CLASP1: variants seen among roughly 807,000 people sequenced by gnomAD.
CLASP1 encodes the protein CLIP-associating protein 1.
In CLASP1, 38 loss-of-function variants were observed where a neutral mutation model predicts 192.3. The ratio of observed to expected loss-of-function variants is 0.20; its 90% CI spans 0.15 to 0.26. The LOEUF is 0.26. Among genes scored for constraint, CLASP1 ranks in the 10% least tolerant of loss-of-function variants. CLASP1 has a pLI of 1.00. For synonymous variants in CLASP1, 691 were observed against 712.8 expected (o/e 0.97, Z 0.49); for missense variants, 1,433 against 1,932.5 (o/e 0.74, Z 4.85).
exon 31 of CLASP1, chr2:121,387,840 C>T: frequency 6.2e-7 from 1 of 1,612,298 alleles, no homozygotes; most frequent in East Asian, 2.2e-5. Flanking sequence ...TTTGGCAAGG[C>T]ACCAAGTAAC....
At chr2:121,565,755 C>A (rs2059441167) in intron 2 of CLASP1, among the ~76,000 whole-genome samples, 1 of 152,232 alleles carries the variant, frequency 6.6e-6, no homozygotes, top group African/African-American at 2.4e-5. Flanking sequence ...CAGGCATGAT[C>A]AGCAGATCTG....
chr2:121,505,189 T>C (rs1363116607), intron 7 of CLASP1: 1 of 152,200 alleles, frequency 6.6e-6, no homozygotes, highest in Non-Finnish European at 1.5e-5. Flanking sequence ...AGTCTGGCTG[T>C]TCCTGAAATT....
intron 2 of CLASP1, among the ~76,000 whole-genome samples, chr2:121,604,008 T>C (rs2064113231): frequency 6.6e-6 from 1 of 152,194 alleles, no homozygotes; most frequent in Non-Finnish European, 1.5e-5. Flanking sequence ...TATATACCAC[T>C]GTAGGATGAC....
intron 9 of CLASP1, among the ~76,000 whole-genome samples, chr2:121,466,837 G>T (rs1320083376): frequency 2.0e-5 from 3 of 152,138 alleles, no homozygotes; most frequent in African/African-American, 7.2e-5. Context: ...TTAAGTTCAG[G>T]GGTGCATGTG....
chr2:121,581,778 G>A (rs939971840), intron 2 of CLASP1, among the ~76,000 whole-genome samples: 7 of 152,198 alleles, frequency 4.6e-5, no homozygotes, highest in African/African-American at 1.4e-4. Context: ...CCAGCTACTT[G>A]GAAGGCTGAG....
At chr2:121,608,570 G>C (rs2064765699) in intron 1 of CLASP1, among the ~76,000 whole-genome samples, 1 of 152,144 alleles carries the variant, frequency 6.6e-6, no homozygotes, top group East Asian at 1.9e-4. Context: ...TGCCAGACAT[G>C]TGAGTGAGGC....
At chr2:121,622,796 T>A (rs1026341917) in intron 1 of CLASP1, among the ~76,000 whole-genome samples, 1 of 152,222 alleles carries the variant, frequency 6.6e-6, no homozygotes, top group African/African-American at 2.4e-5. Context: ...ATGTTTTATA[T>A]ACAAGATCAT....
intron 8 of CLASP1, among the ~76,000 whole-genome samples, chr2:121,497,754 C>G (rs1220078993): frequency 6.6e-6 from 1 of 152,158 alleles, no homozygotes; most frequent in Non-Finnish European, 1.5e-5. Context: ...GAGTCTTGCT[C>G]TGTCACCCAG....
chr2:121,498,851 A>G (rs1464402905), intron 8 of CLASP1, among the ~76,000 whole-genome samples: 2 of 152,244 alleles, frequency 1.3e-5, no homozygotes, highest in African/African-American at 4.8e-5. Context: ...GGTAAAGCAA[A>G]TCAATACCAC....
chr2:121,387,194 G>C (rs2073403608), exon 32 of CLASP1: 4 of 1,609,762 alleles, frequency 2.5e-6, no homozygotes, highest in Middle Eastern at 1.7e-4. Flanking sequence ...GGTGTGTCGG[G>C]AGGGCGTCCG....
chr2:121,575,374 TG>T (rs1488889472), intron 2 of CLASP1, among the ~76,000 whole-genome samples: 6 of 152,150 alleles, frequency 3.9e-5, no homozygotes, highest in Non-Finnish European at 4.4e-5. Context: ...CCCAAAGTGC[TG>T]GGATTACAGG....
In CLASP1 at chr2:121,641,967, G is replaced by A. The variant is rs554325813; in HGVS notation, c.-286+7405C>T. On this transcript the variant is annotated intron_variant, in intron 1 of 39. Transcript: ENST00000263710. ...TGAGCCCAGGAGTTCGAGTAGCCTA[G>A]GCAACATAGTAAGACCCTGCCTCTT... Among the ~76,000 whole-genome samples the A allele has an allele frequency of 8.6e-5, 13 of 150,988 alleles. No homozygotes were observed. In the South Asian group the frequency reaches 2.5e-3, roughly 29 times the overall value.
chr2:121,354,017 G>A (rs1483389015), intron 37 of CLASP1, among the ~76,000 whole-genome samples: 1 of 152,148 alleles, frequency 6.6e-6, no homozygotes, highest in African/African-American at 2.4e-5. Flanking sequence ...GGTTTCAAAT[G>A]ATCTGCCCAC....
At chr2:121,635,857 A>G (rs1229728125) in intron 1 of CLASP1, among the ~76,000 whole-genome samples, 1 of 152,226 alleles carries the variant, frequency 6.6e-6, no homozygotes, top group Non-Finnish European at 1.5e-5. Flanking sequence ...CTCTAAAATG[A>G]GTATATTTCT....
rs1432663581 is a variant in CLASP1, at chr2:121,432,503, T to C, written c.1913-2326A>G. Among the ~76,000 whole-genome samples the C allele has an allele frequency of 2.0e-5, 3 of 152,228 alleles. No homozygotes were observed. The East Asian group carries it at 5.8e-4, about 29-fold the overall frequency. Reference sequence around the variant, plus strand: ...TTCCTAAGCCCTTTGCTGTCTTCCATATGTATGTGCAGACACAATAACAAC... The same window carrying C: ...TTCCTAAGCCCTTTGCTGTCTTCCACATGTATGTGCAGACACAATAACAAC... On this transcript the variant is annotated intron_variant, in intron 19 of 39. Coordinates refer to ENST00000263710, the Ensembl canonical transcript of CLASP1.
chr2:121,533,490 G>A (rs1018576531), intron 2 of CLASP1, among the ~76,000 whole-genome samples: 2 of 152,168 alleles, frequency 1.3e-5, no homozygotes, highest in Non-Finnish European at 2.9e-5. Context: ...TATGTAAACT[G>A]TGCCTGGCAC....
At chr2:121,468,306 C>A (rs1355392886) in intron 9 of CLASP1, among the ~76,000 whole-genome samples, 1 of 152,030 alleles carries the variant, frequency 6.6e-6, no homozygotes, top group Non-Finnish European at 1.5e-5. Flanking sequence ...AAGATAGTTT[C>A]TTCTAATTCT....
intron 2 of CLASP1, among the ~76,000 whole-genome samples, chr2:121,542,806 A>G (rs886704178): frequency 2.6e-5 from 4 of 152,232 alleles, no homozygotes; most frequent in African/African-American, 9.6e-5. Context: ...ACCCTTCAAA[A>G]GGTATTTAGG....
At chr2:121,383,227 C>A (rs996279525) in intron 32 of CLASP1, among the ~76,000 whole-genome samples, 6 of 152,222 alleles carry the variant, frequency 3.9e-5, no homozygotes, top group Admixed American at 6.5e-5. Context: ...TACACAGCAG[C>A]CCTGCCTGCC....
Sources: allele counts gnomAD v4.1 joint callset (sites outside exome capture counted in the v4.1 genomes callset), GRCh38; gene constraint gnomAD v4.1.1; transcripts MANE v1.5; gene names NCBI Gene and HGNC (gene_info 2026-07-23, HGNC 2026-07-21).